GPC6: variants seen among roughly 807,000 people sequenced by gnomAD.
GPC6 encodes glypican 6, also known as glypican-6.
Under a neutral mutation model 55.2 loss-of-function variants are expected in GPC6, and 14 were observed. That is an observed-to-expected ratio of 0.25 (90% CI 0.17 to 0.40). The LOEUF (loss-of-function observed/expected upper bound fraction) is 0.40. Ranked by LOEUF, GPC6 falls within the 10% of genes least tolerant of loss-of-function variation. GPC6 has a pLI of 1.00. For synonymous variants in GPC6, 278 were observed against 259.6 expected (o/e 1.07, Z -0.68); for missense variants, 641 against 708.5 (o/e 0.90, Z 1.08).
chr13:93,242,564 G>C (rs1274597197), intron 1 of GPC6, among the ~76,000 whole-genome samples: 1 of 152,160 alleles, frequency 6.6e-6, no homozygotes, highest in Non-Finnish European at 1.5e-5. Flanking sequence ...GTCTGCAGCA[G>C]TGGGTGAGGG....
chr13:93,636,770 A>C (rs1413989624), intron 2 of GPC6, among the ~76,000 whole-genome samples: 2 of 152,186 alleles, frequency 1.3e-5, no homozygotes, highest in African/African-American at 2.4e-5. Flanking sequence ...ATAAATTATT[A>C]CTGAGAACAC....
chr13:93,622,998 ACAT>A (rs1879023471), intron 2 of GPC6, among the ~76,000 whole-genome samples: 1 of 152,198 alleles, frequency 6.6e-6, no homozygotes, highest in African/African-American at 2.4e-5. Context: ...CAAATGAGTG[ACAT>A]CATGTAGTAT....
Position 94,136,361 on chromosome 13 carries a change from C to T in GPC6, c.877+108467C>T, listed in dbSNP as rs544467342. ...AGTGGCGATAAGAGGCCAGGCATGG[C>T]GATAAGAAGGGTGTGCATGGACTGG... On this transcript the variant is annotated intron_variant, in intron 4 of 8. Transcript: ENST00000377047. 2.6e-5 allele frequency among the ~76,000 whole-genome samples: 4 copies of T among 152,040 alleles called. No homozygotes were observed. In the East Asian group the frequency reaches 5.8e-4, roughly 22 times the overall value.
chr13:94,340,446 G>T (rs113875601), intron 6 of GPC6, among the ~76,000 whole-genome samples: 1 of 152,178 alleles, frequency 6.6e-6, no homozygotes, highest in Non-Finnish European at 1.5e-5. Flanking sequence ...AGCTCTGTTT[G>T]TGCAAATTAA....
chr13:93,477,556 G>T (rs921976492), intron 1 of GPC6, among the ~76,000 whole-genome samples: 4 of 152,198 alleles, frequency 2.6e-5, no homozygotes, highest in Admixed American at 2.0e-4. Flanking sequence ...TTAGAGAACT[G>T]CCAAAACTCA....
intron 4 of GPC6, among the ~76,000 whole-genome samples, chr13:94,069,251 G>C (rs2138780321): frequency 6.6e-6 from 1 of 152,292 alleles, no homozygotes; most frequent in South Asian, 2.1e-4. Context: ...AGCCAGAGCT[G>C]TACCTTGGTC....
chr13:93,673,083 A>G (rs1011003355), intron 2 of GPC6, among the ~76,000 whole-genome samples: 2 of 152,200 alleles, frequency 1.3e-5, no homozygotes, highest in Non-Finnish European at 2.9e-5. Context: ...TGTAGCACAT[A>G]GACTGAAAAG....
chr13:94,101,804 A>G (rs1231882576), intron 4 of GPC6, among the ~76,000 whole-genome samples: 1 of 152,062 alleles, frequency 6.6e-6, no homozygotes, highest in African/African-American at 2.4e-5. Context: ...AAACCAAGCA[A>G]ATATTGGTTT....
rs1055566382 is a variant in GPC6, at chr13:94,085,460, C to T, written c.877+57566C>T. ...GTTTTGGATGACCCAACTTGCATTG[C>T]CAGTTTTTGCTGAGTAAGACAAGGT... On this transcript the variant is annotated intron_variant, in intron 4 of 8. Coordinates refer to ENST00000377047, the MANE Select transcript of GPC6 (RefSeq NM_005708.5). Among the ~76,000 whole-genome samples the T allele has an allele frequency of 3.9e-5, 6 of 152,132 alleles. No homozygotes were observed. The East Asian group carries it at 1.2e-3, about 29-fold the overall frequency.
intron 1 of GPC6, among the ~76,000 whole-genome samples, chr13:93,363,117 G>GTTTTTTT (rs199840187): frequency 2.4e-5 from 3 of 126,012 alleles, no homozygotes; most frequent in Non-Finnish European, 3.3e-5. Flanking sequence ...CTTTTTTTTT[G>GTTTTTTT]TTTTTTTTTT....
At chr13:94,159,543 G>A (rs1888081198) in intron 4 of GPC6, among the ~76,000 whole-genome samples, 1 of 152,036 alleles carries the variant, frequency 6.6e-6, no homozygotes. Flanking sequence ...GGAGGAAACT[G>A]CCCTCATGAT....
intron 4 of GPC6, among the ~76,000 whole-genome samples, chr13:94,047,158 T>C (rs1471440915): frequency 6.6e-6 from 1 of 152,110 alleles, no homozygotes; most frequent in African/African-American, 2.4e-5. Context: ...TTTAAATGTA[T>C]TGGTATTCTT....
intron 1 of GPC6, among the ~76,000 whole-genome samples, chr13:93,400,346 A>G (rs1385550743): frequency 1.3e-5 from 2 of 151,858 alleles, no homozygotes; most frequent in African/African-American, 4.8e-5. Context: ...GTCAAAAAAA[A>G]AAAAAAATAC....
intron 3 of GPC6, among the ~76,000 whole-genome samples, chr13:93,876,936 T>A (rs1320600954): frequency 6.6e-6 from 1 of 152,080 alleles, no homozygotes; most frequent in Non-Finnish European, 1.5e-5. Flanking sequence ...ACGTTCCTCT[T>A]GATTGGAGAT....
intron 1 of GPC6, among the ~76,000 whole-genome samples, chr13:93,329,999 C>T (rs1185938885): frequency 6.6e-6 from 1 of 152,116 alleles, no homozygotes; most frequent in East Asian, 1.9e-4. Flanking sequence ...TTTTACAAGT[C>T]TTAGAAGTTG....
intron 1 of GPC6, among the ~76,000 whole-genome samples, chr13:93,340,841 A>G (rs1880230043): frequency 6.6e-6 from 1 of 151,988 alleles, no homozygotes; most frequent in Admixed American, 6.6e-5. Context: ...GACTACATGG[A>G]TAAGTTCTTT....
intron 4 of GPC6, among the ~76,000 whole-genome samples, chr13:94,069,968 G>T (rs915582211): frequency 1.3e-5 from 2 of 152,060 alleles, no homozygotes; most frequent in African/African-American, 4.8e-5. Context: ...ACATTTTTGG[G>T]TATCTTTTTA....
chr13:93,828,714 A>C (rs555576081), intron 2 of GPC6, among the ~76,000 whole-genome samples: 1 of 152,290 alleles, frequency 6.6e-6, no homozygotes, highest in South Asian at 2.1e-4. Flanking sequence ...GTCTATTTAA[A>C]AATATATATA....
chr13:94,311,262 A>C (rs112396109), intron 6 of GPC6, among the ~76,000 whole-genome samples: 3,310 of 151,276 alleles, frequency 0.022, 120 homozygotes, highest in African/African-American at 0.076. Flanking sequence ...TCCACCTCCC[A>C]GGTTCAAGTG....
Sources: allele counts gnomAD v4.1 joint callset (sites outside exome capture counted in the v4.1 genomes callset), GRCh38; gene constraint gnomAD v4.1.1; transcripts MANE v1.5; gene names NCBI Gene and HGNC (gene_info 2026-07-23, HGNC 2026-07-21).